The following MARK1 variants were observed in gnomAD, a reference collection of about 807,000 sequenced individuals.
MARK1 encodes the protein microtubule affinity regulating kinase 1.
In MARK1, 40 loss-of-function variants were observed where a neutral mutation model predicts 96.3. The ratio of observed to expected loss-of-function variants is 0.42; its 90% CI spans 0.32 to 0.54. The LOEUF is 0.54. Among genes scored for constraint, MARK1 ranks in the 20% least tolerant of loss-of-function variants. The pLI is 0.16. For synonymous variants in MARK1, 317 were observed against 341.2 expected, an observed-to-expected ratio of 0.93 and a Z score of 0.78; for missense variants, 719 against 984.6, an observed-to-expected ratio of 0.73 and a Z score of 3.61.
chr1:220,542,510 G>T (rs891301924), intron 1 of MARK1, among the ~76,000 whole-genome samples: 1 of 152,176 alleles, frequency 6.6e-6, no homozygotes, highest in African/African-American at 2.4e-5. Flanking sequence ...AATTGAGGAT[G>T]CTTCCTTCAG....
chr1:220,614,321 G>C (rs1400840045), intron 6 of MARK1, among the ~76,000 whole-genome samples: 1 of 151,930 alleles, frequency 6.6e-6, no homozygotes, highest in African/African-American at 2.4e-5. Context: ...CAAATACACA[G>C]TTCCCTTGTC....
intron 15 of MARK1, 137 bp downstream of exon 15, chr1:220,652,287 A>T (rs1668924628): frequency 3.4e-6 from 2 of 590,024 alleles, no homozygotes; most frequent in Non-Finnish European, 5.3e-6. Flanking sequence ...GAAAAATTGA[A>T]TTGTAACATA....
intron 2 of MARK1, among the ~76,000 whole-genome samples, chr1:220,580,815 A>G (rs1235752961): frequency 1.3e-5 from 2 of 152,238 alleles, no homozygotes; most frequent in Admixed American, 1.3e-4. Context: ...TTTACTTTAA[A>G]GAAGGAAACT....
At chr1:220,560,413 T>G (rs1662588839) in intron 1 of MARK1, among the ~76,000 whole-genome samples, 1 of 152,230 alleles carries the variant, frequency 6.6e-6, no homozygotes, top group African/African-American at 2.4e-5. Flanking sequence ...AGCATGGGAT[T>G]ATTATTTTTT....
chr1:220,635,048 G>A (rs958625026), intron 11 of MARK1, among the ~76,000 whole-genome samples: 7 of 152,094 alleles, frequency 4.6e-5, no homozygotes, highest in Non-Finnish European at 1.0e-4. Flanking sequence ...TAAATAAAGT[G>A]ACATATAGAA....
chr1:220,632,154 C>G (rs370751136), intron 10 of MARK1, 47 bp from the exon 11 acceptor site: 3 of 936,732 alleles, frequency 3.2e-6, no homozygotes, highest in Non-Finnish European at 4.7e-6. Flanking sequence ...GATTTGTTTA[C>G]GAAAATAAAA....
chr1:220,562,626 A>G (rs968137904), intron 1 of MARK1, among the ~76,000 whole-genome samples: 2 of 152,072 alleles, frequency 1.3e-5, no homozygotes, highest in African/African-American at 4.8e-5. Flanking sequence ...ACCCAGTAAC[A>G]TTTTGTATAG....
In MARK1 at chr1:220,636,029, G is replaced by A; in HGVS notation, c.1470+3G>A. ...AAAAATCTTCAACTATTCCAAGTGTGAGTAAATACTCTGGTATATTGCAAT... is the reference window on the plus strand; with the variant it reads ...AAAAATCTTCAACTATTCCAAGTGTAAGTAAATACTCTGGTATATTGCAAT... On this transcript the variant is annotated splice_donor_region_variant and intron_variant, in intron 13 of 17. Transcript: ENST00000366917. The A allele has an allele frequency of 1.9e-6, 3 of 1,597,256 alleles. No individual in the cohort carries two copies. Among genetic ancestry groups the A allele is most frequent in the Non-Finnish European group, 1.7e-6 (2 of 1,171,104 alleles).
At position 220,616,008 on chromosome 1, in the gene MARK1, G is replaced by A; in HGVS notation, c.552+13G>A. The A allele has an allele frequency of 7.0e-7, 1 of 1,430,030 alleles. No individual in the cohort carries two copies. The highest frequency in any genetic ancestry group is 1.3e-5 in the South Asian group (1 of 77,860). The allele number at this position is 1,430,030 out of a possible 1,614,324, so 88.6% of individuals were successfully genotyped here. ...CCGTGATCTTAAGGTAAGCTTCTGA[G>A]TGTAATTTTTTTAAAAAAAAAATCG... On this transcript the variant is annotated intron_variant, in intron 7 of 17. Coordinates refer to ENST00000366917, the MANE Select transcript of MARK1 (RefSeq NM_018650.5).
chr1:220,558,092 C>A (rs1354550531), intron 1 of MARK1, among the ~76,000 whole-genome samples: 3 of 150,658 alleles, frequency 2.0e-5, no homozygotes, highest in African/African-American at 4.9e-5. Flanking sequence ...ATGATCACAT[C>A]AACACACTCC....
rs117947102 is a variant in MARK1 at position 220,628,414 on chromosome 1, C to T, written c.910-2621C>T. Among the ~76,000 whole-genome samples the T allele has an allele frequency of 8.5e-5, 13 of 152,264 alleles. No homozygotes were observed. The East Asian group carries it at 1.7e-3, about 20-fold the overall frequency. On this transcript the variant is annotated intron_variant, in intron 9 of 17. Transcript: ENST00000366917. ...TTTACTTTCTGGTTCCTAGTGCCAC[C>T]ACTCCACTGAAACTTCCCCCAGCAA...
chr1:220,645,604 C>T (rs772197799), intron 13 of MARK1, among the ~76,000 whole-genome samples: 7 of 149,632 alleles, frequency 4.7e-5, no homozygotes, highest in Non-Finnish European at 7.5e-5. Context: ...TAGCAGACAA[C>T]AAAAAACTTC....
intron 1 of MARK1, among the ~76,000 whole-genome samples, chr1:220,567,083 A>G (rs1334538605): frequency 6.6e-6 from 1 of 152,172 alleles, no homozygotes; most frequent in Non-Finnish European, 1.5e-5. Flanking sequence ...ATAAGCAAAT[A>G]CAGATTTCTC....
intron 1 of MARK1, among the ~76,000 whole-genome samples, chr1:220,565,857 A>G (rs967155202): frequency 3.3e-5 from 5 of 152,178 alleles, no homozygotes; most frequent in Non-Finnish European, 7.3e-5. Context: ...TACCATGTAG[A>G]TGAAAGCTGA....
At chr1:220,616,562 AATTTAATTTGC>A (rs918582340) in intron 7 of MARK1, among the ~76,000 whole-genome samples, 2 of 152,094 alleles carry the variant, frequency 1.3e-5, no homozygotes, top group African/African-American at 4.8e-5. Flanking sequence ...TAATCTTCCA[AATTTAATTTGC>A]ATTGTCCCTT....
At chr1:220,568,811 A>G (rs1044350303) in intron 1 of MARK1, among the ~76,000 whole-genome samples, 10 of 152,152 alleles carry the variant, frequency 6.6e-5, no homozygotes, top group African/African-American at 2.4e-4. Context: ...CTGCCTATTG[A>G]TGGACTTTGT....
chr1:220,558,317 A>G (rs1662428483), intron 1 of MARK1, among the ~76,000 whole-genome samples: 1 of 151,798 alleles, frequency 6.6e-6, no homozygotes, highest in South Asian at 2.1e-4. Flanking sequence ...GTATAACTTC[A>G]TAGCAGCTTG....
At chr1:220,545,887 G>A (rs757884940) in intron 1 of MARK1, among the ~76,000 whole-genome samples, 1 of 152,156 alleles carries the variant, frequency 6.6e-6, no homozygotes, top group Non-Finnish European at 1.5e-5. Flanking sequence ...ACTAGGCCTT[G>A]ACCTTGGCCC....
intron 13 of MARK1, among the ~76,000 whole-genome samples, chr1:220,648,593 A>T (rs1249267164): frequency 6.6e-6 from 1 of 152,196 alleles, no homozygotes; most frequent in African/African-American, 2.4e-5. Flanking sequence ...GGAAGGAGAG[A>T]TCCCATTCAC....
Sources: allele counts gnomAD v4.1 joint callset (sites outside exome capture counted in the v4.1 genomes callset), GRCh38; gene constraint gnomAD v4.1.1; transcripts MANE v1.5; gene names NCBI Gene and HGNC (gene_info 2026-07-23, HGNC 2026-07-21).